The following LYST variants were observed in gnomAD, a reference collection of about 807,000 sequenced individuals.
The protein encoded by LYST is lysosomal trafficking regulator, also known as lysosomal-trafficking regulator.
A neutral mutation model predicts 413.6 loss-of-function variants in LYST; 192 were observed. That is an observed-to-expected ratio of 0.46 (90% CI 0.41 to 0.52). LYST has a LOEUF of 0.52. Ranked by LOEUF, LYST falls within the 20% of genes least tolerant of loss-of-function variation. LYST has a pLI of 0.00. For synonymous variants in LYST, 1,525 were observed against 1,567.3 expected, an observed-to-expected ratio of 0.97 and a Z score of 0.64; for missense variants, 3,815 against 4,499.9, an observed-to-expected ratio of 0.85 and a Z score of 4.35.
At position 235,699,334 on chromosome 1, in the gene LYST, G is replaced by A. The variant is rs1240988118; in HGVS notation, c.10375-2062C>T. Reference sequence around the variant, plus strand: ...CTCCCACTTATGAGTGAGAACAAGCGGTGTCTGGTTTTCTGTTCTTGTGTT... The same window carrying A: ...CTCCCACTTATGAGTGAGAACAAGCAGTGTCTGGTTTTCTGTTCTTGTGTT... On this transcript the variant is annotated intron_variant, in intron 45 of 52. Coordinates refer to ENST00000389793, the MANE Select transcript of LYST (RefSeq NM_000081.4). Among the ~76,000 whole-genome samples, 17 of 152,194 alleles carry A rather than the reference G, an allele frequency of 1.1e-4. 1 individual carries two copies. The East Asian group carries it at 2.5e-3, about 22-fold the overall frequency.
In LYST at chr1:235,670,835, G is replaced by A. The variant is rs144248714; in HGVS notation, c.11039-6214C>T. On this transcript the variant is annotated intron_variant, in intron 50 of 52. Coordinates refer to ENST00000389793, the MANE Select transcript of LYST (RefSeq NM_000081.4). ...AGGGAAAGGGTGCAAGAAATCTCTAGTAAGAGAGGTTGAACCCCATACAGT... is the reference window on the plus strand; with the variant it reads ...AGGGAAAGGGTGCAAGAAATCTCTAATAAGAGAGGTTGAACCCCATACAGT... 3.1e-4 allele frequency among the ~76,000 whole-genome samples: 47 copies of A among 152,306 alleles called. No homozygotes were observed. In the East Asian group the frequency reaches 6.4e-3, roughly 21 times the overall value.
intron 1 of LYST, among the ~76,000 whole-genome samples, chr1:235,878,299 G>T (rs865791238): frequency 1.3e-5 from 2 of 152,104 alleles, no homozygotes; most frequent in South Asian, 2.1e-4. Flanking sequence ...AGTGGCTTGT[G>T]GCAGAGCAAC....
intron 5 of LYST, among the ~76,000 whole-genome samples, chr1:235,808,160 T>C (rs2102875694): frequency 6.6e-6 from 1 of 152,298 alleles, no homozygotes; most frequent in Admixed American, 6.5e-5. Context: ...GAAATTAAAA[T>C]CAATGGCTGT....
At chr1:235,789,077 T>TA (rs1443646538) in intron 12 of LYST, among the ~76,000 whole-genome samples, 1 of 152,078 alleles carries the variant, frequency 6.6e-6, no homozygotes, top group African/African-American at 2.4e-5. Flanking sequence ...TATTAGATAT[T>TA]AAAAAATGTA....
chr1:235,722,052 T>G (rs1663415922), intron 39 of LYST, among the ~76,000 whole-genome samples: 2 of 151,966 alleles, frequency 1.3e-5, no homozygotes, highest in Non-Finnish European at 2.9e-5. Context: ...TCAGGAAACT[T>G]GAAAAAGTGA....
intron 47 of LYST, among the ~76,000 whole-genome samples, chr1:235,690,814 G>C (rs1429222110): frequency 6.6e-6 from 1 of 152,156 alleles, no homozygotes; most frequent in Non-Finnish European, 1.5e-5. Context: ...ACTTCCCATG[G>C]AAAGAGAGTC....
At chr1:235,750,027 A>C (rs866276685) in intron 28 of LYST, among the ~76,000 whole-genome samples, 3 of 152,184 alleles carry the variant, frequency 2.0e-5, no homozygotes, top group African/African-American at 7.2e-5. Flanking sequence ...CAGCAGGGGT[A>C]GTAAAGGTAT....
intron 5 of LYST, 61 bp from the exon 6 acceptor site, chr1:235,806,833 T>C: frequency 9.5e-7 from 1 of 1,055,162 alleles, no homozygotes; most frequent in Non-Finnish European, 1.4e-6. Context: ...TATAAATAGG[T>C]ACATATAATA....
At chr1:235,880,480 A>C (rs972684453) in intron 1 of LYST, among the ~76,000 whole-genome samples, 1 of 152,248 alleles carries the variant, frequency 6.6e-6, no homozygotes, top group African/African-American at 2.4e-5. Flanking sequence ...GTGACTAAAC[A>C]CATCTTTGCC....
intron 31 of LYST, chr1:235,738,385 G>A (rs11553868): frequency 5.6e-6 from 9 of 1,613,038 alleles, no homozygotes; most frequent in African/African-American, 2.7e-5. Flanking sequence ...AATACAGCCC[G>A]AACTGCAAGT....
chr1:235,754,106 G>T (rs2103319992), intron 25 of LYST, among the ~76,000 whole-genome samples: 1 of 152,144 alleles, frequency 6.6e-6, no homozygotes, highest in East Asian at 1.9e-4. Context: ...GGAATTCTAG[G>T]TGAGGGATTT....
At chr1:235,709,051 A>C in intron 44 of LYST, 40 bp downstream of exon 44, 1 of 1,556,428 alleles carries the variant, frequency 6.4e-7, no homozygotes, top group Non-Finnish European at 8.9e-7. Flanking sequence ...TTCAGGTTCT[A>C]TCTTATATAA....
In LYST at chr1:235,810,402, A is replaced by G; in HGVS notation, c.416T>C (p.Val139Ala). 6.2e-7 allele frequency: 1 copy of G among 1,612,180 alleles called. No homozygotes were observed. The highest frequency in any genetic ancestry group is 8.5e-7 in the Non-Finnish European group (1 of 1,179,334). ...LSSQVSAKVN[V>A]FRKSRRQRKI... The stretch of plus-strand genomic sequence containing the variant: ...ACGCTGTCGTCTGCTTTTTCGAAAA[A>G]CATTTACTTTTGCAGAAACCTGACT... Residue 139 changes from valine to alanine, a missense_variant, in exon 5 of 53, where the codon GTT (valine) becomes GCT (alanine). Val to Ala is a moderately conservative substitution (Grantham distance 64). Around this residue, in one of 4 missense-constraint regions of LYST, gnomAD observed 1,648 missense variants for 1,810.3 expected, o/e 0.91. Transcript: ENST00000389793.
chr1:235,733,827 T>C lies in LYST; in HGVS notation c.8612+3A>G. ...CATGCCTTTGGAACATATAAAATCT[T>C]ACCTTTGTTGATTATTGTTAACTGT... On this transcript the variant is annotated splice_donor_region_variant and intron_variant, in intron 33 of 52. Transcript: ENST00000389793. 6.3e-7 allele frequency: 1 copy of C among 1,585,410 alleles called. No individual in the cohort carries two copies. The highest frequency in any genetic ancestry group is 8.7e-7 in the Non-Finnish European group (1 of 1,153,986).
At chr1:235,833,285 A>G (rs1676197815) in intron 2 of LYST, among the ~76,000 whole-genome samples, 1 of 152,170 alleles carries the variant, frequency 6.6e-6, no homozygotes, top group South Asian at 2.1e-4. Flanking sequence ...TAATATTTAA[A>G]GTACCCAGAA....
intron 13 of LYST, 130 bp downstream of exon 13, chr1:235,788,570 TG>T (rs1670666900): frequency 1.3e-6 from 1 of 789,304 alleles, no homozygotes; most frequent in Admixed American, 2.1e-5. Flanking sequence ...GCTGTTAGAA[TG>T]TATATATTTT....
chr1:235,783,651 A>T (rs776289909), intron 14 of LYST, among the ~76,000 whole-genome samples: 4 of 152,182 alleles, frequency 2.6e-5, no homozygotes, highest in Non-Finnish European at 4.4e-5. Flanking sequence ...GTAAAATAAA[A>T]ATATAACAAT....
At chr1:235,813,866 C>T (rs567456804) in intron 3 of LYST, among the ~76,000 whole-genome samples, 8 of 152,254 alleles carry the variant, frequency 5.3e-5, no homozygotes, top group South Asian at 2.1e-4. Context: ...TTTGAGTTCT[C>T]GCCTTACACC....
At chr1:235,865,275 C>G (rs988657366) in intron 1 of LYST, among the ~76,000 whole-genome samples, 4 of 152,122 alleles carry the variant, frequency 2.6e-5, no homozygotes, top group African/African-American at 9.7e-5. Context: ...CCCTGGCTGC[C>G]TCTAGTTAAA....
Sources: gnomAD v4.1 joint callset for allele counts (sites outside exome capture counted in the v4.1 genomes callset) on GRCh38, gnomAD v4.1.1 for gene constraint, gnomAD v4.1.1 regional missense constraint, MANE v1.5 for transcripts, NCBI Gene and HGNC (gene_info 2026-07-23, HGNC 2026-07-21) for gene names.